The following DPYSL3 variants were observed in gnomAD, a reference collection of about 807,000 sequenced individuals.
DPYSL3 encodes the protein dihydropyrimidinase like 3, also known as dihydropyrimidinase-related protein 3.
DPYSL3 carries 16 observed loss-of-function variants against 66.1 expected under a neutral mutation model. That is an observed-to-expected ratio of 0.24 (90% CI 0.16 to 0.37). DPYSL3 has a LOEUF of 0.37. Ranked by LOEUF, DPYSL3 falls within the 10% of genes least tolerant of loss-of-function variation. DPYSL3 has a pLI of 1.00. For missense variants in DPYSL3, 738 were observed against 916.2 expected, an observed-to-expected ratio of 0.81 and a Z score of 2.51; for synonymous variants, 338 against 345.1, an observed-to-expected ratio of 0.98 and a Z score of 0.23.
At chr5:147,482,947 T>TAA in intron 1 of DPYSL3, among the ~76,000 whole-genome samples, 1 of 152,234 alleles carries the variant, frequency 6.6e-6, no homozygotes, top group African/African-American at 2.4e-5. Flanking sequence ...CAAACTCTTA[T>TAA]AAAACCATCA....
chr5:147,403,489 T>A (rs1268370398), intron 8 of DPYSL3, among the ~76,000 whole-genome samples: 2 of 152,136 alleles, frequency 1.3e-5, no homozygotes, highest in Admixed American at 1.3e-4. Context: ...TGCTGCAATT[T>A]CATCTGAAAA....
At chr5:147,483,773 A>G (rs1753286991) in intron 1 of DPYSL3, among the ~76,000 whole-genome samples, 2 of 152,198 alleles carry the variant, frequency 1.3e-5, no homozygotes, top group South Asian at 4.1e-4. Flanking sequence ...CAGAAAACTT[A>G]AGATGAAGAT....
chr5:147,478,229 G>A (rs562151541), intron 1 of DPYSL3, among the ~76,000 whole-genome samples: 1 of 152,118 alleles, frequency 6.6e-6, no homozygotes, highest in South Asian at 2.1e-4. Context: ...TTTTTACTCC[G>A]TCTCCAGCTT....
intron 1 of DPYSL3, among the ~76,000 whole-genome samples, chr5:147,470,279 T>C (rs925111125): frequency 4.6e-5 from 7 of 152,186 alleles, no homozygotes; most frequent in South Asian, 2.1e-4. Context: ...ATTCTTGGTA[T>C]TATAATCTAC....
chr5:147,438,303 G>T (rs1326765585), intron 1 of DPYSL3, among the ~76,000 whole-genome samples: 1 of 152,210 alleles, frequency 6.6e-6, no homozygotes, highest in Admixed American at 6.5e-5. Flanking sequence ...AACTGCAGAT[G>T]CTCTGAGAAC....
rs200874080 is a variant in DPYSL3 at position 147,397,701 on chromosome 5, C to A, written c.1768G>T (p.Asp590Tyr). 2.5e-6 allele frequency: 4 copies of A among 1,614,098 alleles called. No individual in the cohort carries two copies. The highest frequency in any genetic ancestry group is 2.2e-5 in the South Asian group (2 of 91,066). ...GCTTTAATGCGCTTGTAGACATAGT[C>A]GGAGAACGGGCTGCAGGGTATGAAG... ...GRFIPCSPFS[D>Y]YVYKRIKARR... is the part of the protein sequence containing the mutation. The change falls in exon 12 of 14, where the codon GAC (aspartate) becomes TAC (tyrosine). Residue 590 changes from aspartate (D) to tyrosine (Y), a missense_variant. Asp to Tyr is a radical substitution (Grantham distance 160). Coordinates refer to ENST00000343218, the MANE Select transcript of DPYSL3 (RefSeq NM_001197294.2).
intron 6 of DPYSL3, among the ~76,000 whole-genome samples, chr5:147,409,054 G>T (rs979032313): frequency 1.3e-5 from 2 of 152,156 alleles, no homozygotes; most frequent in Non-Finnish European, 2.9e-5. Flanking sequence ...TGCCCTTCAA[G>T]AATCATACCA....
intron 1 of DPYSL3, among the ~76,000 whole-genome samples, chr5:147,435,899 G>A (rs1752404828): frequency 1.3e-5 from 2 of 152,154 alleles, no homozygotes; most frequent in African/African-American, 4.8e-5. Context: ...CCAGCATCAG[G>A]GAGCCATTGC....
chr5:147,446,200 G>A (rs1752626617), intron 1 of DPYSL3, among the ~76,000 whole-genome samples: 1 of 152,156 alleles, frequency 6.6e-6, no homozygotes, highest in African/African-American at 2.4e-5. Context: ...AGGATCATCT[G>A]GTTCAATGCC....
intron 1 of DPYSL3, among the ~76,000 whole-genome samples, chr5:147,435,917 A>G (rs571632782): frequency 2.0e-5 from 3 of 152,220 alleles, no homozygotes; most frequent in Non-Finnish European, 4.4e-5. Context: ...TGCCAAGGCC[A>G]GAAGAGGGAA....
At position 147,418,804 on chromosome 5, in the gene DPYSL3, C is replaced by G. The variant is rs74824744; in HGVS notation, c.471-173G>C. ...ATCTATAAACAAAGATAGATATACACAGAAAACAATGTTTATAGTCACAGA... is the reference window on the plus strand; with the variant it reads ...ATCTATAAACAAAGATAGATATACAGAGAAAACAATGTTTATAGTCACAGA... On this transcript the variant is annotated intron_variant, in intron 2 of 13. Coordinates refer to ENST00000343218, the MANE Select transcript of DPYSL3 (RefSeq NM_001197294.2). Among the ~76,000 whole-genome samples the G allele has an allele frequency of 1.7e-3, 255 of 152,306 alleles. 7 individuals are homozygous for G. In the East Asian group the frequency reaches 0.047, roughly 28 times the overall value.
At chr5:147,469,191 C>T (rs1221503052) in intron 1 of DPYSL3, among the ~76,000 whole-genome samples, 1 of 152,216 alleles carries the variant, frequency 6.6e-6, no homozygotes, top group Non-Finnish European at 1.5e-5. Context: ...TCCAGTAATA[C>T]TCCGCATCAC....
chr5:147,453,586 ATGGTGGCGG>A, intron 1 of DPYSL3: 4 of 1,537,998 alleles, frequency 2.6e-6, no homozygotes, highest in Non-Finnish European at 3.5e-6. Context: ...TTGGTAGGAC[ATGGTGGCGG>A]TGGTGGCTGC....
At chr5:147,452,884 C>G (rs1191388162) in intron 1 of DPYSL3, among the ~76,000 whole-genome samples, 1 of 3,636 alleles carries the variant, frequency 2.8e-4, no homozygotes, top group Non-Finnish European at 5.2e-4. Context: ...ATCGAAGGCA[C>G]ACACACACAC....
intron 1 of DPYSL3, among the ~76,000 whole-genome samples, chr5:147,442,389 G>A (rs527725590): frequency 2.7e-4 from 41 of 152,298 alleles, no homozygotes; most frequent in African/African-American, 9.9e-4. Context: ...TCAAGAGCGG[G>A]AGGAAATGAG....
At chr5:147,459,113 C>G (rs1752896632) in intron 1 of DPYSL3, among the ~76,000 whole-genome samples, 1 of 151,188 alleles carries the variant, frequency 6.6e-6, no homozygotes, top group Non-Finnish European at 1.5e-5. Context: ...ATTGACTGAA[C>G]AGGCAGGGGA....
chr5:147,437,770 G>A (rs11958380), intron 1 of DPYSL3, among the ~76,000 whole-genome samples: 3,108 of 152,316 alleles, frequency 0.02, 111 homozygotes, highest in African/African-American at 0.069. Context: ...TAGCCTGATG[G>A]AATGGTGGGA....
chr5:147,508,493 GATT>G (rs1753712756), intron 1 of DPYSL3, among the ~76,000 whole-genome samples: 1 of 152,124 alleles, frequency 6.6e-6, no homozygotes, highest in Non-Finnish European at 1.5e-5. Flanking sequence ...GAGGGCATCT[GATT>G]ATTATTATTC....
chr5:147,453,663 C>T (rs1252584200), intron 1 of DPYSL3: 4 of 1,480,322 alleles, frequency 2.7e-6, no homozygotes, highest in Middle Eastern at 2.1e-4. Flanking sequence ...TTCCTCAGCG[C>T]ACAGCGCCCC....
Sources: allele counts gnomAD v4.1 joint callset (sites outside exome capture counted in the v4.1 genomes callset), GRCh38; gene constraint gnomAD v4.1.1; transcripts MANE v1.5; gene names NCBI Gene and HGNC (gene_info 2026-07-23, HGNC 2026-07-21).